Variants in THSD4 observed in about 807,000 individuals in gnomAD.
THSD4 encodes the protein thrombospondin type-1 domain-containing protein 4.
THSD4 carries 69 observed loss-of-function variants against 119.0 expected under a neutral mutation model. The ratio of observed to expected loss-of-function variants is 0.58; its 90% CI spans 0.48 to 0.71. The LOEUF is 0.71. Ranked by LOEUF, THSD4 falls within the 30% of genes least tolerant of loss-of-function variation. The probability of loss-of-function intolerance (pLI) is 0.00; values close to 1 mark genes in which losing one functional copy is unlikely to be tolerated. For synonymous variants in THSD4, 524 were observed against 540.4 expected (o/e 0.97, Z 0.42); for missense variants, 1,393 against 1,391.1 (o/e 1.00, Z -0.02).
intron 7 of THSD4, among the ~76,000 whole-genome samples, chr15:71,643,461 C>T (rs546289849): frequency 6.6e-6 from 1 of 152,206 alleles, no homozygotes; most frequent in African/African-American, 2.4e-5. Context: ...TCCTTTCTCC[C>T]ACCCTCCATC....
At chr15:71,365,075 C>T (rs1596369462) in intron 6 of THSD4, among the ~76,000 whole-genome samples, 1 of 151,242 alleles carries the variant, frequency 6.6e-6, no homozygotes, top group East Asian at 1.9e-4. Context: ...ATTTATCAGA[C>T]CCTTGGAAAT....
At position 71,526,420 on chromosome 15, in the gene THSD4, A is replaced by G. The variant is rs562672468; in HGVS notation, c.1152+114597A>G. On this transcript the variant is annotated intron_variant, in intron 7 of 17. Transcript: ENST00000261862. ...TTAGGAGAGAGTCGCTTAGAGGTCTACCAAGTAGACAGAAATGCAGTCGTT... is the reference window on the plus strand; with the variant it reads ...TTAGGAGAGAGTCGCTTAGAGGTCTGCCAAGTAGACAGAAATGCAGTCGTT... Among the ~76,000 whole-genome samples, 4 of 152,310 alleles carry G rather than the reference A, an allele frequency of 2.6e-5. No homozygotes were observed. In the South Asian group the frequency reaches 8.3e-4, roughly 32 times the overall value.
chr15:71,353,204 T>A (rs1034441125), intron 6 of THSD4, among the ~76,000 whole-genome samples: 1 of 152,212 alleles, frequency 6.6e-6, no homozygotes, highest in African/African-American at 2.4e-5. Flanking sequence ...TTAAGCCTAC[T>A]TTATTTTCAT....
At chr15:71,471,660 C>G (rs1207693647) in intron 7 of THSD4, among the ~76,000 whole-genome samples, 1 of 151,334 alleles carries the variant, frequency 6.6e-6, no homozygotes, top group African/African-American at 2.4e-5. Context: ...CTGGCCCAGC[C>G]TCATACTAGA....
intron 7 of THSD4, among the ~76,000 whole-genome samples, chr15:71,522,999 GTC>G (rs2048464673): frequency 1.3e-5 from 2 of 152,164 alleles, no homozygotes; most frequent in Admixed American, 6.5e-5. Context: ...CACAGTGAGG[GTC>G]CTGCTTGGTT....
chr15:71,180,812 A>T (rs972523985), intron 3 of THSD4, among the ~76,000 whole-genome samples: 3 of 152,192 alleles, frequency 2.0e-5, no homozygotes, highest in African/African-American at 7.2e-5. Flanking sequence ...GGAACCTTCC[A>T]GGGTGTTGGA....
intron 1 of THSD4, among the ~76,000 whole-genome samples, chr15:71,128,835 T>C (rs1402031772): frequency 2.0e-5 from 3 of 152,186 alleles, no homozygotes; most frequent in Non-Finnish European, 2.9e-5. Flanking sequence ...GAGTGTTGTA[T>C]TGGTGAGGGA....
At chr15:71,146,289 G>A (rs2040660210) in intron 2 of THSD4, among the ~76,000 whole-genome samples, 1 of 152,280 alleles carries the variant, frequency 6.6e-6, no homozygotes, top group East Asian at 1.9e-4. Flanking sequence ...ACACCCATAA[G>A]CATTATGTGA....
chr15:71,396,406 G>A (rs977478775), intron 6 of THSD4, among the ~76,000 whole-genome samples: 5 of 152,126 alleles, frequency 3.3e-5, no homozygotes, highest in Admixed American at 3.3e-4. Flanking sequence ...TGCCTGCAGA[G>A]GTGCTACCAC....
intron 5 of THSD4, among the ~76,000 whole-genome samples, chr15:71,250,125 T>C (rs1043975422): frequency 2.6e-5 from 4 of 152,232 alleles, no homozygotes; most frequent in Admixed American, 6.5e-5. Context: ...TATAAGTCCC[T>C]GAGGGAGGCT....
chr15:71,559,134 C>T (rs1051790757), intron 7 of THSD4, among the ~76,000 whole-genome samples: 2 of 152,108 alleles, frequency 1.3e-5, no homozygotes, highest in African/African-American at 4.8e-5. Flanking sequence ...TGTGCGCTGC[C>T]TCATCTGTCA....
intron 7 of THSD4, among the ~76,000 whole-genome samples, chr15:71,425,631 TG>T (rs1467364346): frequency 6.6e-6 from 1 of 152,194 alleles, no homozygotes; most frequent in Non-Finnish European, 1.5e-5. Context: ...TTCATGGGAA[TG>T]TATGTGCTGT....
At chr15:71,746,167 A>G (rs542966749) in intron 12 of THSD4, among the ~76,000 whole-genome samples, 1 of 152,334 alleles carries the variant, frequency 6.6e-6, no homozygotes, top group South Asian at 2.1e-4. Flanking sequence ...ATGCTAGAAT[A>G]AGATTCCTAA....
At chr15:71,461,490 G>A (rs1595790460) in intron 7 of THSD4, among the ~76,000 whole-genome samples, 1 of 152,170 alleles carries the variant, frequency 6.6e-6, no homozygotes, top group East Asian at 1.9e-4. Context: ...GCACACCCTC[G>A]ATGGCCCTTC....
At chr15:71,751,377 G>C (rs1375076540) in intron 14 of THSD4, among the ~76,000 whole-genome samples, 1 of 152,078 alleles carries the variant, frequency 6.6e-6, no homozygotes, top group Non-Finnish European at 1.5e-5. Flanking sequence ...GGAAAAGTAT[G>C]CTCCAAACCT....
chr15:71,285,806 A>G (rs2044708719), intron 6 of THSD4, among the ~76,000 whole-genome samples: 1 of 134,854 alleles, frequency 7.4e-6, no homozygotes, highest in Admixed American at 8.6e-5. Context: ...GTGAGCCGAA[A>G]TTGTGCTACT....
chr15:71,549,197 G>A (rs902136658), intron 7 of THSD4, among the ~76,000 whole-genome samples: 4 of 152,248 alleles, frequency 2.6e-5, no homozygotes, highest in Non-Finnish European at 5.9e-5. Context: ...TGAGTTAAAA[G>A]TATGTGTGCT....
chr15:71,553,178 C>T (rs1231858951), intron 7 of THSD4, among the ~76,000 whole-genome samples: 1 of 152,098 alleles, frequency 6.6e-6, no homozygotes, highest in Non-Finnish European at 1.5e-5. Flanking sequence ...TATGTGTATG[C>T]CTATGACTTG....
At chr15:71,687,538 C>T (rs1234345094) in intron 8 of THSD4, among the ~76,000 whole-genome samples, 2 of 152,142 alleles carry the variant, frequency 1.3e-5, no homozygotes, top group African/African-American at 4.8e-5. Context: ...AGTGGATCAC[C>T]TGAGCCAGGA....
Sources: allele counts gnomAD v4.1 joint callset (sites outside exome capture counted in the v4.1 genomes callset), GRCh38; gene constraint gnomAD v4.1.1; transcripts MANE v1.5; gene names NCBI Gene and HGNC (gene_info 2026-07-23, HGNC 2026-07-21).